RBM20: variants seen among roughly 807,000 people sequenced by gnomAD.
RBM20 encodes RNA-binding protein 20.
Under a neutral mutation model 110.1 loss-of-function variants are expected in RBM20, and 51 were observed. The ratio of observed to expected loss-of-function variants is 0.46; its 90% CI spans 0.37 to 0.59. RBM20 has a LOEUF of 0.59. RBM20 is among the 20% of genes least tolerant of loss of function. The pLI, the probability that RBM20 is intolerant of heterozygous loss-of-function variation, is 0.00. For missense variants in RBM20, 1,512 were observed against 1,574.9 expected, an observed-to-expected ratio of 0.96 and a Z score of 0.68; for synonymous variants, 589 against 618.2, an observed-to-expected ratio of 0.95 and a Z score of 0.70.
intron 1 of RBM20, among the ~76,000 whole-genome samples, chr10:110,741,174 C>G (rs1167093011): frequency 6.6e-6 from 1 of 152,140 alleles, no homozygotes; most frequent in Non-Finnish European, 1.5e-5. Flanking sequence ...CCTTATCTTC[C>G]ATACCCTTCT....
chr10:110,812,330 C>T lies in RBM20; in HGVS notation c.1933C>T (p.Pro645Ser). The T allele has an allele frequency of 6.4e-7, 1 of 1,551,474 alleles. No individual in the cohort carries two copies. Among genetic ancestry groups the T allele is most frequent in the Non-Finnish European group, 8.7e-7 (1 of 1,146,958 alleles). The stretch of plus-strand genomic sequence containing the variant: ...TAGTCCGGTGAGCCGGTCACTCTCC[C>T]CGAGGTCCCACACTCCCAGCTTCAC... ...SRSPVSRSLS[P>S]RSHTPSFTSC... Residue 645 changes from proline (P) to serine (S), a missense_variant, in exon 9 of 14, where the codon CCG (proline) becomes TCG (serine). By Grantham distance (74) the Pro-to-Ser change is moderately conservative. Coordinates refer to ENST00000369519, the MANE Select transcript of RBM20 (RefSeq NM_001134363.3).
At chr10:110,733,967 T>C (rs11195288) in intron 1 of RBM20, among the ~76,000 whole-genome samples, 22,205 of 152,178 alleles carry the variant, frequency 0.15, 2,166 homozygotes, top group East Asian at 0.27. Context: ...TATCTTTTCA[T>C]TATACCTGCG....
chr10:110,817,658 G>C (rs1844856917), intron 9 of RBM20, among the ~76,000 whole-genome samples: 1 of 152,224 alleles, frequency 6.6e-6, no homozygotes. Context: ...TAAGTGCTAA[G>C]AAGGAGATGA....
At chr10:110,653,752 C>T (rs550345031) in intron 1 of RBM20, among the ~76,000 whole-genome samples, 37 of 152,284 alleles carry the variant, frequency 2.4e-4, no homozygotes, top group African/African-American at 8.4e-4. Context: ...GATGGGGTTT[C>T]ACCATGTTGC....
intron 1 of RBM20, among the ~76,000 whole-genome samples, chr10:110,724,814 G>A (rs1434883824): frequency 6.6e-6 from 1 of 152,166 alleles, no homozygotes; most frequent in Non-Finnish European, 1.5e-5. Flanking sequence ...GGCACCTACT[G>A]TAAGTGTACC....
chr10:110,792,730 C>T (rs565202759), intron 5 of RBM20, among the ~76,000 whole-genome samples: 11 of 152,256 alleles, frequency 7.2e-5, no homozygotes, highest in South Asian at 4.1e-4. Flanking sequence ...TTCTAGCCAC[C>T]GTGGCAGCAG....
chr10:110,646,970 C>T (rs1861877309), intron 1 of RBM20, among the ~76,000 whole-genome samples: 1 of 152,098 alleles, frequency 6.6e-6, no homozygotes, highest in African/African-American at 2.4e-5. Flanking sequence ...TTAGTGAGGT[C>T]GTTATGTAAC....
At chr10:110,737,621 C>CTT (rs61353592) in intron 1 of RBM20, among the ~76,000 whole-genome samples, 78,290 of 147,262 alleles carry the variant, frequency 0.53, 20,988 homozygotes, top group Non-Finnish European at 0.58. Context: ...ATTAGTTTGC[C>CTT]TTTTTTTTTT....
At chr10:110,783,459 G>T in intron 3 of RBM20, 32 bp downstream of exon 3, 2 of 1,506,718 alleles carry the variant, frequency 1.3e-6, no homozygotes, top group Non-Finnish European at 1.8e-6. Flanking sequence ...AGGCTCATGC[G>T]TAGGCTCAAC....
At chr10:110,784,190 G>C in intron 3 of RBM20, 151 bp from the exon 4 acceptor site, 1 of 602,442 alleles carries the variant, frequency 1.7e-6, no homozygotes, top group Non-Finnish European at 3.0e-6. Flanking sequence ...ATTGTGAATA[G>C]GGCTGCTAGG....
chr10:110,832,077 A>T (rs950045812), intron 13 of RBM20, among the ~76,000 whole-genome samples: 4 of 152,216 alleles, frequency 2.6e-5, no homozygotes, highest in Admixed American at 6.5e-5. Flanking sequence ...GTGTCTTGAG[A>T]TCAATGAAAT....
intron 1 of RBM20, among the ~76,000 whole-genome samples, chr10:110,697,468 G>A (rs773105698): frequency 5.9e-5 from 9 of 152,350 alleles, no homozygotes; most frequent in Middle Eastern, 6.8e-3. Flanking sequence ...AGTGTGTATT[G>A]AGCACTAACT....
chr10:110,703,600 C>T (rs1476160151), intron 1 of RBM20, among the ~76,000 whole-genome samples: 3 of 152,300 alleles, frequency 2.0e-5, no homozygotes, highest in South Asian at 2.1e-4. Context: ...TTTACTTCTA[C>T]TCCTTTGTAT....
intron 1 of RBM20, among the ~76,000 whole-genome samples, chr10:110,675,613 C>T (rs1274191346): frequency 6.6e-6 from 1 of 152,182 alleles, no homozygotes; most frequent in Admixed American, 6.5e-5. Context: ...CTTTCAGAGT[C>T]TGTTCTTCAC....
chr10:110,758,903 A>T (rs946971395), intron 1 of RBM20, among the ~76,000 whole-genome samples: 1 of 152,202 alleles, frequency 6.6e-6, no homozygotes, highest in Admixed American at 6.5e-5. Flanking sequence ...CCTGACTGGA[A>T]GCTCTGGTCA....
At chr10:110,682,481 T>A (rs1205892183) in intron 1 of RBM20, among the ~76,000 whole-genome samples, 1 of 152,126 alleles carries the variant, frequency 6.6e-6, no homozygotes, top group African/African-American at 2.4e-5. Context: ...TCAGACAATA[T>A]GTAAATAAAT....
intron 5 of RBM20, among the ~76,000 whole-genome samples, chr10:110,795,206 A>C (rs1345524512): frequency 5.9e-5 from 9 of 152,248 alleles, no homozygotes; most frequent in Non-Finnish European, 2.9e-5. Flanking sequence ...TGCATCTTTA[A>C]GTGAACACTC....
At chr10:110,795,699 A>T (rs1251779077) in intron 5 of RBM20, among the ~76,000 whole-genome samples, 1 of 152,224 alleles carries the variant, frequency 6.6e-6, no homozygotes. Context: ...AGACTATGCT[A>T]TTAGAATGTG....
At chr10:110,708,700 C>A (rs1268708615) in intron 1 of RBM20, among the ~76,000 whole-genome samples, 1 of 152,022 alleles carries the variant, frequency 6.6e-6, no homozygotes, top group African/African-American at 2.4e-5. Flanking sequence ...TACAACAAGG[C>A]GGAATTATTT....
Sources: allele counts gnomAD v4.1 joint callset (sites outside exome capture counted in the v4.1 genomes callset), GRCh38; gene constraint gnomAD v4.1.1; transcripts MANE v1.5; gene names NCBI Gene and HGNC (gene_info 2026-07-23, HGNC 2026-07-21).